The following NUP93 variants were observed in gnomAD, a reference collection of about 807,000 sequenced individuals.
The protein encoded by NUP93 is nuclear pore complex protein Nup93.
Under a neutral mutation model 107.8 loss-of-function variants are expected in NUP93, and 55 were observed. The observed-to-expected ratio is 0.51, with a 90% CI of 0.41 to 0.64. The LOEUF (loss-of-function observed/expected upper bound fraction) is 0.64. Ranked by LOEUF, NUP93 falls within the 30% of genes least tolerant of loss-of-function variation. NUP93 has a pLI of 0.00. For missense variants in NUP93, 937 were observed against 1,044.7 expected, an observed-to-expected ratio of 0.90 and a Z score of 1.42; for synonymous variants, 390 against 397.5, an observed-to-expected ratio of 0.98 and a Z score of 0.22.
chr16:56,746,053 CTTTA>C (rs1411268481), intron 1 of NUP93, among the ~76,000 whole-genome samples: 11 of 150,440 alleles, frequency 7.3e-5, no homozygotes, highest in Admixed American at 2.0e-4. Context: ...TCATTCAGTT[CTTTA>C]TTTAGGGATT....
At chr16:56,739,098 GT>G (rs1961659880) in intron 1 of NUP93, among the ~76,000 whole-genome samples, 1 of 148,616 alleles carries the variant, frequency 6.7e-6, no homozygotes, top group African/African-American at 2.5e-5. Context: ...AAAATGAAAA[GT>G]CTCCCATGTC....
chr16:56,815,085 A>G (rs1352885559), intron 5 of NUP93, among the ~76,000 whole-genome samples: 1 of 152,268 alleles, frequency 6.6e-6, no homozygotes, highest in Non-Finnish European at 1.5e-5. Flanking sequence ...TGGAAATTTG[A>G]AGGCTGATAC....
Position 56,748,120 on chromosome 16 carries a change from C to A in NUP93, c.-14-114C>A, listed in dbSNP as rs145764505. The stretch of plus-strand genomic sequence containing the variant: ...AATCCTGCTTGTTGATGAGCTGTGT[C>A]CTCGTCTGTTTACAAAAAGTTCTGC... On this transcript the variant is annotated intron_variant, in intron 1 of 21. Coordinates refer to ENST00000308159, the MANE Select transcript of NUP93 (RefSeq NM_014669.5). 5 of 652,736 alleles carry A rather than the reference C, an allele frequency of 7.7e-6. No homozygotes were observed. The South Asian group carries it at 8.2e-5, about 11-fold the overall frequency. The allele number at this position is 652,736 out of a possible 1,614,324, so 40.4% of individuals were successfully genotyped here. A position where few individuals can be genotyped will look rare whatever the true frequency, so the allele number is the denominator to read the frequency against.
At chr16:56,809,742 G>C (rs1223116098) in intron 5 of NUP93, among the ~76,000 whole-genome samples, 6 of 152,146 alleles carry the variant, frequency 3.9e-5, no homozygotes, top group Admixed American at 3.9e-4. Context: ...AAACACCAGG[G>C]TTTTTGGTTT....
chr16:56,794,009 C>T (rs1187369779), intron 3 of NUP93, among the ~76,000 whole-genome samples: 3 of 151,858 alleles, frequency 2.0e-5, no homozygotes, highest in South Asian at 2.1e-4. Flanking sequence ...GAGCCGAGAT[C>T]ACGCCACTGC....
intron 3 of NUP93, among the ~76,000 whole-genome samples, chr16:56,775,622 G>GT (rs1222492767): frequency 6.6e-6 from 1 of 152,182 alleles, no homozygotes; most frequent in African/African-American, 2.4e-5. Flanking sequence ...CTGGGCCATT[G>GT]TTTTTAAAAC....
chr16:56,806,951 C>G (rs974025938), intron 5 of NUP93, among the ~76,000 whole-genome samples: 3 of 152,212 alleles, frequency 2.0e-5, no homozygotes, highest in Non-Finnish European at 4.4e-5. Flanking sequence ...CTTCTCAACA[C>G]AGCAGCAAGA....
intron 3 of NUP93, among the ~76,000 whole-genome samples, chr16:56,768,660 A>G (rs1334592776): frequency 6.6e-6 from 1 of 151,022 alleles, no homozygotes; most frequent in Non-Finnish European, 1.5e-5. Flanking sequence ...AGGTCAGGAG[A>G]TCGAGACCAT....
chr16:56,767,024 C>G (rs1367480737), intron 3 of NUP93, among the ~76,000 whole-genome samples: 3 of 152,220 alleles, frequency 2.0e-5, no homozygotes, highest in East Asian at 3.8e-4. Flanking sequence ...AGATGCTCAG[C>G]TTCCATCTTG....
At chr16:56,781,863 G>A (rs888946399) in intron 3 of NUP93, 5 of 985,294 alleles carry the variant, frequency 5.1e-6, no homozygotes, top group Non-Finnish European at 6.0e-6. Context: ...CAAACTGATG[G>A]CTGACTTCTC....
chr16:56,815,050 G>A (rs1349414355), intron 5 of NUP93, among the ~76,000 whole-genome samples: 1 of 152,222 alleles, frequency 6.6e-6, no homozygotes, highest in Non-Finnish European at 1.5e-5. Flanking sequence ...TTGAAAACAA[G>A]AGCATTAGGC....
rs149661645 is a variant in NUP93 at position 56,834,753 on chromosome 16, A to G, written c.1757A>G (p.Lys586Arg). The change falls in exon 16 of 22, where the codon AAA becomes AGA. Residue 586 changes from lysine (K) to arginine (R), a missense_variant. Physicochemically the swap from Lys to Arg is conservative, Grantham distance 26 (BLOSUM62 2). Coordinates refer to ENST00000308159, the MANE Select transcript of NUP93 (RefSeq NM_014669.5). ...CCACAGTTCGATATGATTCTTGGGAAACTAGAGAATGACGGAAGTAGAAAG... is the reference window on the plus strand; with the variant it reads ...CCACAGTTCGATATGATTCTTGGGAGACTAGAGAATGACGGAAGTAGAAAG... ...ESREFDMILG[K>R]LENDGSRKPG... 6.2e-7 allele frequency: 1 copy of G among 1,612,376 alleles called. No individual in the cohort carries two copies. The highest frequency in any genetic ancestry group is 8.5e-7 in the Non-Finnish European group (1 of 1,178,786).
chr16:56,814,175 C>CT (rs1210160164), intron 5 of NUP93, among the ~76,000 whole-genome samples: 2 of 151,892 alleles, frequency 1.3e-5, no homozygotes, highest in Admixed American at 6.6e-5. Context: ...AGTTGCATTC[C>CT]TTTTTTTTCT....
At chr16:56,752,490 A>G (rs1228889971) in intron 2 of NUP93, among the ~76,000 whole-genome samples, 1 of 152,204 alleles carries the variant, frequency 6.6e-6, no homozygotes, top group African/African-American at 2.4e-5. Flanking sequence ...AAAAGTATTT[A>G]GTACTCTATC....
chr16:56,779,247 A>G (rs1962469652), intron 3 of NUP93, among the ~76,000 whole-genome samples: 1 of 152,212 alleles, frequency 6.6e-6, no homozygotes, highest in Non-Finnish European at 1.5e-5. Flanking sequence ...TCACTTGAAT[A>G]TTATTTTACC....
intron 3 of NUP93, among the ~76,000 whole-genome samples, chr16:56,794,253 T>A (rs1020045474): frequency 3.2e-4 from 49 of 152,304 alleles, no homozygotes; most frequent in African/African-American, 1.2e-3. Flanking sequence ...AAAATTAAAA[T>A]TCAAAATCTA....
chr16:56,842,073 AT>A (rs1452203803), intron 21 of NUP93, among the ~76,000 whole-genome samples: 2 of 152,228 alleles, frequency 1.3e-5, no homozygotes, highest in Non-Finnish European at 2.9e-5. Context: ...CTTTTAACAA[AT>A]CAAACAGAAT....
intron 1 of NUP93, among the ~76,000 whole-genome samples, chr16:56,741,611 TAATC>T (rs1440642007): frequency 6.6e-6 from 1 of 152,156 alleles, no homozygotes; most frequent in Non-Finnish European, 1.5e-5. Context: ...ATATCGAAAA[TAATC>T]AAAAATAATT....
chr16:56,836,562 G>C, intron 16 of NUP93, 39 bp from the exon 17 acceptor site: 2 of 1,213,480 alleles, frequency 1.6e-6, no homozygotes, highest in Non-Finnish European at 2.4e-6. Flanking sequence ...CTGTGCACCC[G>C]TCTCTCTCTT....
Sources: gnomAD v4.1 joint callset for allele counts (sites outside exome capture counted in the v4.1 genomes callset) on GRCh38, gnomAD v4.1.1 for gene constraint, MANE v1.5 for transcripts, NCBI Gene and HGNC (gene_info 2026-07-23, HGNC 2026-07-21) for gene names.